AFF3: variants seen among roughly 807,000 people sequenced by gnomAD.
The protein encoded by AFF3 is ALF transcription elongation factor 3.
In AFF3, 32 loss-of-function variants were observed where a neutral mutation model predicts 129.7. The ratio of observed to expected loss-of-function variants is 0.25; its 90% CI spans 0.19 to 0.33. AFF3 has a LOEUF of 0.33. AFF3 is among the 10% of genes least tolerant of loss of function. AFF3 has a pLI of 1.00. For synonymous variants in AFF3, 644 were observed against 635.4 expected (o/e 1.01, Z -0.20); for missense variants, 1,373 against 1,592.0 (o/e 0.86, Z 2.34).
chr2:100,132,715 T>C (rs994375740), intron 1 of AFF3, among the ~76,000 whole-genome samples: 1 of 152,210 alleles, frequency 6.6e-6, no homozygotes, highest in Non-Finnish European at 1.5e-5. Flanking sequence ...ATTTGAATCA[T>C]AGCTAATCTA....
intron 9 of AFF3, among the ~76,000 whole-genome samples, chr2:99,746,573 G>C (rs1681176732): frequency 6.6e-6 from 1 of 152,058 alleles, no homozygotes. Context: ...AAAAGAACAA[G>C]CTCAACTCTC....
intron 4 of AFF3, among the ~76,000 whole-genome samples, chr2:100,069,183 A>AT (rs962659265): frequency 2.0e-5 from 3 of 151,844 alleles, no homozygotes; most frequent in Non-Finnish European, 4.4e-5. Flanking sequence ...GATTTCTATC[A>AT]TTTTTTTTAA....
chr2:100,080,596 A>AG (rs1165392876), intron 4 of AFF3, among the ~76,000 whole-genome samples: 1 of 152,126 alleles, frequency 6.6e-6, no homozygotes, highest in Non-Finnish European at 1.5e-5. Flanking sequence ...TAGCAAAAAA[A>AG]ATATATACAT....
chr2:100,058,819 C>T (rs1687010855), intron 4 of AFF3, among the ~76,000 whole-genome samples: 1 of 152,010 alleles, frequency 6.6e-6, no homozygotes, highest in Admixed American at 6.6e-5. Context: ...AAAATTAAAA[C>T]CATTATCAAG....
At chr2:99,789,689 C>T (rs1484195283) in intron 8 of AFF3, among the ~76,000 whole-genome samples, 2 of 152,140 alleles carry the variant, frequency 1.3e-5, no homozygotes, top group African/African-American at 2.4e-5. Context: ...ACAATCACAT[C>T]AAGAACAGGT....
intron 15 of AFF3, among the ~76,000 whole-genome samples, chr2:99,591,140 T>C (rs1240970675): frequency 1.3e-5 from 2 of 152,278 alleles, no homozygotes; most frequent in East Asian, 3.9e-4. Flanking sequence ...CTTAATGTTA[T>C]TAATATTATG....
intron 4 of AFF3, among the ~76,000 whole-genome samples, chr2:100,103,782 A>T (rs1690962828): frequency 6.6e-6 from 1 of 151,808 alleles, no homozygotes; most frequent in Non-Finnish European, 1.5e-5. Flanking sequence ...AAGGGCCCAG[A>T]GGAACTGTGA....
At chr2:100,104,661 C>G in intron 3 of AFF3, 143 bp from the exon 4 acceptor site, 1 of 965,532 alleles carries the variant, frequency 1.0e-6, no homozygotes, top group Non-Finnish European at 1.2e-6. Context: ...GCGGCCGGCG[C>G]ACTCACCCGC....
At chr2:99,746,854 T>A (rs1162040658) in intron 9 of AFF3, among the ~76,000 whole-genome samples, 1 of 151,796 alleles carries the variant, frequency 6.6e-6, no homozygotes, top group African/African-American at 2.4e-5. Flanking sequence ...TGTCTGTAGA[T>A]CTGGGCCATT....
chr2:99,606,845 C>T (rs1418912302), intron 13 of AFF3, among the ~76,000 whole-genome samples: 2 of 130,502 alleles, frequency 1.5e-5, no homozygotes, highest in Non-Finnish European at 3.1e-5. Context: ...ACCCGGGAGG[C>T]GGAGCTTGCA....
At chr2:99,885,414 A>G (rs1576275796) in intron 7 of AFF3, among the ~76,000 whole-genome samples, 1 of 152,214 alleles carries the variant, frequency 6.6e-6, no homozygotes, top group Admixed American at 6.5e-5. Flanking sequence ...GAGAGCAGGA[A>G]TTGTGTTTGG....
intron 8 of AFF3, among the ~76,000 whole-genome samples, chr2:99,793,766 AT>A (rs1378253010): frequency 6.6e-6 from 1 of 152,048 alleles, no homozygotes; most frequent in African/African-American, 2.4e-5. Flanking sequence ...TCCATTTTCT[AT>A]TTTTAATGAG....
intron 13 of AFF3, among the ~76,000 whole-genome samples, chr2:99,634,929 G>C (rs1265754594): frequency 1.3e-5 from 2 of 149,482 alleles, no homozygotes; most frequent in African/African-American, 4.9e-5. Flanking sequence ...GACTTGTGCT[G>C]TGAGCACGAC....
At chr2:100,018,699 C>G (rs772563500) in intron 4 of AFF3, among the ~76,000 whole-genome samples, 7 of 151,886 alleles carry the variant, frequency 4.6e-5, no homozygotes, top group Non-Finnish European at 7.4e-5. Flanking sequence ...ACCATCTTCT[C>G]CTTGGTAGAA....
chr2:99,772,212 C>G (rs558320747), intron 8 of AFF3, among the ~76,000 whole-genome samples: 1 of 152,004 alleles, frequency 6.6e-6, no homozygotes, highest in Non-Finnish European at 1.5e-5. Flanking sequence ...GAGCCCCGGG[C>G]GAGGTGGCAG....
At chr2:100,035,086 A>G (rs1684798228) in intron 4 of AFF3, among the ~76,000 whole-genome samples, 1 of 152,138 alleles carries the variant, frequency 6.6e-6, no homozygotes, top group African/African-American at 2.4e-5. Context: ...CTGTCCAACC[A>G]TGGCTCTCTC....
At chr2:100,063,252 C>CG (rs1553516030) in intron 4 of AFF3, among the ~76,000 whole-genome samples, 1 of 101,814 alleles carries the variant, frequency 9.8e-6, no homozygotes, top group Non-Finnish European at 1.9e-5. Context: ...AACTCCATCT[C>CG]AAAAAAAAAA....
Position 99,582,976 on chromosome 2 carries a change from T to C in AFF3, c.2615A>G (p.Asn872Ser). 6.2e-7 allele frequency: 1 copy of C among 1,614,106 alleles called. No homozygotes were observed. Among genetic ancestry groups the C allele is most frequent in the East Asian group, 2.2e-5 (1 of 44,888 alleles). Residue 872 changes from asparagine (N) to serine (S), a missense_variant, in exon 17 of 25, where the codon AAT (asparagine) becomes AGT (serine). Coordinates refer to ENST00000672756, the MANE Select transcript of AFF3 (RefSeq NM_001386135.1). The stretch of plus-strand genomic sequence containing the variant: ...GATGGGCGACCGAAGCATTTTTTCA[T>C]TTTTATTTATTGGTATTGCCACACT... ...INSVAIPINK[N>S]EKMLRSPISP...
intron 13 of AFF3, among the ~76,000 whole-genome samples, chr2:99,612,881 C>A (rs1490391273): frequency 2.0e-5 from 3 of 152,060 alleles, no homozygotes; most frequent in Non-Finnish European, 4.4e-5. Context: ...AGTGTGTGGG[C>A]TACAAAGCAG....
Sources: gnomAD v4.1 joint callset for allele counts (sites outside exome capture counted in the v4.1 genomes callset) on GRCh38, gnomAD v4.1.1 for gene constraint, MANE v1.5 for transcripts, NCBI Gene and HGNC (gene_info 2026-07-23, HGNC 2026-07-21) for gene names.